The following KMT2E variants were observed in gnomAD, a reference collection of about 807,000 sequenced individuals.
The protein encoded by KMT2E is lysine methyltransferase 2E (inactive), also known as histone reader KMT2E.
In KMT2E, 30 loss-of-function variants were observed where a neutral mutation model predicts 184.6. The ratio of observed to expected loss-of-function variants is 0.16; its 90% CI spans 0.12 to 0.22. The LOEUF (loss-of-function observed/expected upper bound fraction) is 0.22. KMT2E is among the 10% of genes least tolerant of loss of function. The probability of loss-of-function intolerance (pLI) is 1.00; values close to 1 mark genes in which losing one functional copy is unlikely to be tolerated. For synonymous variants in KMT2E, 815 were observed against 776.5 expected (o/e 1.05, Z -0.82); for missense variants, 2,023 against 2,237.4 (o/e 0.90, Z 1.93).
At position 105,113,582 on chromosome 7, in the gene KMT2E, G is replaced by C; in HGVS notation, c.*249G>C. ...GTTTTTTTCTGGCAGATCTGATGCTGATTTGATGCTGTATGATCTTTTTTT... is the reference window on the plus strand; with the variant it reads ...GTTTTTTTCTGGCAGATCTGATGCTCATTTGATGCTGTATGATCTTTTTTT... On this transcript the variant is annotated 3_prime_UTR_variant, in exon 27 of 27. Coordinates refer to ENST00000311117, the MANE Select transcript of KMT2E (RefSeq NM_182931.3). The C allele has an allele frequency of 5.9e-6, 2 of 341,872 alleles. No homozygotes were observed. Among genetic ancestry groups the C allele is most frequent in the East Asian group, 1.1e-4 (2 of 19,026 alleles). The allele number at this position is 341,872 out of a possible 1,614,324, so 21.2% of individuals were successfully genotyped here. A position where few individuals can be genotyped will look rare whatever the true frequency, so the allele number is the denominator to read the frequency against.
intron 15 of KMT2E, among the ~76,000 whole-genome samples, chr7:105,097,786 CCA>C (rs1431001374): frequency 3.3e-5 from 5 of 152,182 alleles, no homozygotes; most frequent in African/African-American, 7.2e-5. Flanking sequence ...TGAAATGCTT[CCA>C]GTTAGTTACA....
rs185048977 is a variant in KMT2E, at chr7:105,075,974, A to G, written c.730-69A>G. ...CTTCAGTTAAAAGTTTCAATGAACC[A>G]ATTAATTCTTAAATATTAATTATGT... On this transcript the variant is annotated intron_variant, in intron 8 of 26. Transcript: ENST00000311117. 1.5e-4 allele frequency: 192 copies of G among 1,246,498 alleles called. 1 individual carries two copies. In the African/African-American group the frequency reaches 2.3e-3, roughly 15 times the overall value. 77.2% of individuals were successfully genotyped at this position (1,246,498 alleles called of 1,614,324 possible).
rs539223990 is a variant in KMT2E, at chr7:105,047,181, T to C, written c.71+6158T>C. ...CATTAGAGACTGAGTGCCCAAAGTT[T>C]TTCTTGAGGGATGGCACGTAGGCAT... On this transcript the variant is annotated intron_variant, in intron 3 of 26. Coordinates refer to ENST00000311117, the MANE Select transcript of KMT2E (RefSeq NM_182931.3). Among the ~76,000 whole-genome samples, 133 of 152,356 alleles carry C rather than the reference T, an allele frequency of 8.7e-4. 1 individual carries two copies. Among genetic ancestry groups the C allele is most frequent in the African/African-American group, 3.0e-3 (125 of 41,584 alleles).
chr7:105,103,561 C>A (rs905560129), intron 17 of KMT2E: 2 of 152,110 alleles, frequency 1.3e-5, no homozygotes, highest in Non-Finnish European at 2.9e-5. Flanking sequence ...TTAACTTGCT[C>A]ATGGTCATAG....
At chr7:105,025,780 T>A (rs1795152063) in intron 1 of KMT2E, among the ~76,000 whole-genome samples, 1 of 152,202 alleles carries the variant, frequency 6.6e-6, no homozygotes, top group Non-Finnish European at 1.5e-5. Context: ...CTAAGTTAAA[T>A]GCTTTGGAAA....
intron 15 of KMT2E, among the ~76,000 whole-genome samples, chr7:105,095,424 T>C (rs567585081): frequency 6.6e-6 from 1 of 152,238 alleles, no homozygotes; most frequent in South Asian, 2.1e-4. Flanking sequence ...GTTGGGATTA[T>C]AGGCTGTTTT....
At chr7:105,065,460 AGTTAGTTTG>A (rs1055828974) in intron 5 of KMT2E, among the ~76,000 whole-genome samples, 3 of 152,210 alleles carry the variant, frequency 2.0e-5, no homozygotes, top group Non-Finnish European at 4.4e-5. Flanking sequence ...ACACAGTAGC[AGTTAGTTTG>A]GTACAGTAGT....
chr7:105,106,482 C>A (rs374395313), intron 19 of KMT2E, 40 bp from the exon 20 acceptor site: 1 of 1,529,444 alleles, frequency 6.5e-7, no homozygotes, highest in South Asian at 1.1e-5. Context: ...TAACAAATAG[C>A]AACAGTGTAA....
intron 17 of KMT2E, 82 bp downstream of exon 17, chr7:105,102,276 TA>T: frequency 8.4e-6 from 10 of 1,184,782 alleles, no homozygotes; most frequent in Non-Finnish European, 1.2e-5. Context: ...ATTGGATTTT[TA>T]AGACCTCATA....
At chr7:105,099,866 T>C (rs192245547) in intron 15 of KMT2E, among the ~76,000 whole-genome samples, 308 of 152,326 alleles carry the variant, frequency 2.0e-3, no homozygotes, top group Middle Eastern at 6.8e-3. Flanking sequence ...AAAATGATCT[T>C]TTTAGTTACT....
In KMT2E at chr7:105,110,883, CT is replaced by C. The variant is rs1799214309; in HGVS notation, c.4068+18del. 6.4e-7 allele frequency: 1 copy of C among 1,570,598 alleles called. No homozygotes were observed. The highest frequency in any genetic ancestry group is 8.8e-7 in the Non-Finnish European group (1 of 1,140,682). On this transcript the variant is annotated intron_variant, in intron 26 of 26. Transcript: ENST00000311117. ...AAATGAGCAAGGTAATAACATTGACCTTTCGATGGGTTCCAAAGGACTTTAG... is the reference window on the plus strand; with the variant it reads ...AAATGAGCAAGGTAATAACATTGACCTTCGATGGGTTCCAAAGGACTTTAG...
At chr7:105,096,545 G>A (rs1335525433) in intron 15 of KMT2E, among the ~76,000 whole-genome samples, 1 of 151,552 alleles carries the variant, frequency 6.6e-6, no homozygotes, top group African/African-American at 2.4e-5. Flanking sequence ...TGTCAAGCAG[G>A]TATTATAGTC....
chr7:105,042,156 A>C (rs966445385), intron 3 of KMT2E, among the ~76,000 whole-genome samples: 2 of 151,954 alleles, frequency 1.3e-5, no homozygotes, highest in African/African-American at 4.8e-5. Context: ...ACACCCAGCT[A>C]ATTTTTGTAT....
intron 15 of KMT2E, among the ~76,000 whole-genome samples, chr7:105,097,110 T>C (rs1051836011): frequency 3.3e-5 from 5 of 152,222 alleles, no homozygotes; most frequent in Admixed American, 6.5e-5. Context: ...GAATCCATGC[T>C]GTTACTAAAT....
At chr7:105,035,977 C>T (rs1390928674) in intron 1 of KMT2E, among the ~76,000 whole-genome samples, 1 of 152,100 alleles carries the variant, frequency 6.6e-6, no homozygotes, top group African/African-American at 2.4e-5. Flanking sequence ...GGAGCAAGGT[C>T]GGTTTTGTTA....
intron 1 of KMT2E, among the ~76,000 whole-genome samples, chr7:105,014,833 G>C (rs1794643990): frequency 6.6e-6 from 1 of 152,158 alleles, no homozygotes; most frequent in Admixed American, 6.5e-5. Flanking sequence ...ATTGGCAGCG[G>C]GTTAAGGCCG....
intron 1 of KMT2E, among the ~76,000 whole-genome samples, chr7:105,023,208 C>T (rs1795023542): frequency 6.6e-6 from 1 of 151,506 alleles, no homozygotes; most frequent in African/African-American, 2.4e-5. Flanking sequence ...CCCCTTTCTC[C>T]AATAAAAAAA....
chr7:105,101,704 T>A, intron 16 of KMT2E, 115 bp downstream of exon 16: 1 of 1,008,470 alleles, frequency 9.9e-7, no homozygotes, highest in Non-Finnish European at 1.4e-6. Flanking sequence ...TTTAATAGCA[T>A]TTTTCAGATC....
At position 105,105,557 on chromosome 7, in the gene KMT2E, A is replaced by G. The variant is rs778740203; in HGVS notation, c.2315A>G (p.Asn772Ser). Residue 772 changes from asparagine (N) to serine (S), a missense_variant, in exon 18 of 27, where the codon AAT (asparagine) becomes AGT (serine). Asn to Ser is a conservative substitution (Grantham distance 46). Transcript: ENST00000311117. ...TDPEVLATQL[N>S]SLPGLTYSPH... ...CCTGAAGTGTTAGCTACACAACTCA[A>G]TTCTTTACCAGGTCTCACTTACAGC... 9 of 1,614,082 alleles carry G rather than the reference A, an allele frequency of 5.6e-6. No individual in the cohort carries two copies. Among genetic ancestry groups the G allele is most frequent in the Non-Finnish European group, 6.8e-6 (8 of 1,179,980 alleles).
Sources: gnomAD v4.1 joint callset for allele counts (sites outside exome capture counted in the v4.1 genomes callset) on GRCh38, gnomAD v4.1.1 for gene constraint, MANE v1.5 for transcripts, NCBI Gene and HGNC (gene_info 2026-07-23, HGNC 2026-07-21) for gene names.